Variants in RNLS observed in about 807,000 individuals in gnomAD.
The protein encoded by RNLS is renalase, FAD dependent amine oxidase.
RNLS carries 39 observed loss-of-function variants against 39.8 expected under a neutral mutation model. The observed-to-expected ratio is 0.98, with a 90% CI of 0.76 to 1.28. The LOEUF (loss-of-function observed/expected upper bound fraction) is 1.28. Ranked by LOEUF, RNLS falls within the 50% of genes most tolerant of loss-of-function variation. RNLS has a pLI of 0.00. For missense variants in RNLS, 410 were observed against 413.3 expected (o/e 0.99, Z 0.07); for synonymous variants, 147 against 150.7 (o/e 0.98, Z 0.18).
chr10:88,316,374 A>C (rs1845768091), intron 5 of RNLS, among the ~76,000 whole-genome samples: 1 of 152,210 alleles, frequency 6.6e-6, no homozygotes, highest in African/African-American at 2.4e-5. Context: ...AATCTATTGC[A>C]TATTGCCTTA....
intron 4 of RNLS, among the ~76,000 whole-genome samples, chr10:88,532,933 C>G (rs1847522992): frequency 6.6e-6 from 1 of 151,932 alleles, no homozygotes; most frequent in African/African-American, 2.4e-5. Context: ...AGAAGGTGCT[C>G]TAGGTAAAAC....
At chr10:88,233,355 C>T in the RNLS span, among the ~76,000 whole-genome samples, 9 of 152,158 alleles carry the variant, frequency 5.9e-5, no homozygotes, top group Non-Finnish European at 1.2e-4. Context: ...TGTTCATTCT[C>T]CCAATTGTTT....
intron 5 of RNLS, among the ~76,000 whole-genome samples, chr10:88,333,276 A>T (rs7895582): frequency 0.29 from 44,340 of 152,084 alleles, 8,354 homozygotes; most frequent in African/African-American, 0.53. Context: ...GTGTTTTAAA[A>T]CTACTTTTAT....
the RNLS span, among the ~76,000 whole-genome samples, chr10:88,199,416 G>T: frequency 6.6e-6 from 1 of 152,156 alleles, no homozygotes; most frequent in Admixed American, 6.6e-5. Flanking sequence ...AGCACTGTAG[G>T]ATGTTTAGCA....
At chr10:88,333,325 A>G (rs923094312) in intron 5 of RNLS, among the ~76,000 whole-genome samples, 1 of 152,200 alleles carries the variant, frequency 6.6e-6, no homozygotes, top group Admixed American at 6.5e-5. Context: ...TTCAAACATG[A>G]TGAAAGTGTA....
chr10:88,177,335 T>C, the RNLS span, among the ~76,000 whole-genome samples: 2 of 152,188 alleles, frequency 1.3e-5, no homozygotes, highest in South Asian at 4.1e-4. Flanking sequence ...CAAGTTCAGA[T>C]ATTCTTTCTT....
intron 5 of RNLS, among the ~76,000 whole-genome samples, chr10:88,355,498 G>GT (rs1472934138): frequency 2.0e-5 from 3 of 152,166 alleles, no homozygotes; most frequent in Non-Finnish European, 4.4e-5. Context: ...GTTTGCCTGG[G>GT]TATCAGCAGT....
chr10:88,420,044 AAATAAATAAATAAATG>A (rs1440578556), intron 4 of RNLS, among the ~76,000 whole-genome samples: 261 of 119,376 alleles, frequency 2.2e-3, no homozygotes, highest in African/African-American at 5.8e-3. Context: ...ATAAATAAAT[AAATAAATAAATAAATG>A]AATGAATAAA....
At chr10:88,349,652 T>C (rs761885294) in intron 5 of RNLS, among the ~76,000 whole-genome samples, 2 of 152,088 alleles carry the variant, frequency 1.3e-5, no homozygotes, top group Non-Finnish European at 2.9e-5. Context: ...CAATATTCTA[T>C]TTTATAATTT....
Position 88,285,399 on chromosome 10 carries a change from G to A in RNLS, c.984C>T (p.Ile328=), listed in dbSNP as rs977191957. The A allele has an allele frequency of 2.5e-6, 4 of 1,612,552 alleles. No homozygotes were observed. The highest frequency in any genetic ancestry group is 2.5e-6 in the Non-Finnish European group (3 of 1,179,048). The part of the protein sequence containing the change: ...GFTQSNFDGC[I]TSALCVLEAL... ...CTTCCAGAACACATAGGGCAGAAGT[G>A]ATGCAGCCATCAAAGTTGGACTGAG... Residue 328 remains isoleucine, a synonymous_variant, in exon 7 of 7, where the codon ATC becomes ATT. Transcript: ENST00000331772.
At chr10:88,172,884 T>G in the RNLS span, among the ~76,000 whole-genome samples, 3 of 124,758 alleles carry the variant, frequency 2.4e-5, no homozygotes, top group Admixed American at 9.1e-5. Flanking sequence ...TTAGATGGAG[T>G]CTCGCTCTGT....
At chr10:88,465,158 C>T (rs1217742669) in intron 4 of RNLS, among the ~76,000 whole-genome samples, 1 of 152,046 alleles carries the variant, frequency 6.6e-6, no homozygotes, top group Non-Finnish European at 1.5e-5. Flanking sequence ...CCTATTATTG[C>T]TACTAGTAGG....
At chr10:88,581,073 A>C (rs1207838396) in intron 3 of RNLS, among the ~76,000 whole-genome samples, 3 of 152,030 alleles carry the variant, frequency 2.0e-5, no homozygotes. Context: ...CATACAGCCT[A>C]AATATTTACC....
intron 6 of RNLS, among the ~76,000 whole-genome samples, chr10:88,286,534 T>C (rs1843286391): frequency 1.3e-5 from 2 of 152,144 alleles, no homozygotes; most frequent in Admixed American, 6.6e-5. Flanking sequence ...AACCAGAATA[T>C]GAAAACTTGT....
the RNLS span, among the ~76,000 whole-genome samples, chr10:88,265,308 C>T: frequency 3.3e-5 from 4 of 119,762 alleles, no homozygotes; most frequent in Admixed American, 3.3e-4. Flanking sequence ...CTTGCTTTGG[C>T]TATGCAGGGT....
intron 3 of RNLS, among the ~76,000 whole-genome samples, chr10:88,573,757 C>T (rs1849990164): frequency 6.6e-6 from 1 of 152,090 alleles, no homozygotes; most frequent in Non-Finnish European, 1.5e-5. Context: ...CTGTAAGGCC[C>T]ATGAGCTACA....
chr10:88,453,660 G>T (rs1160111920), intron 4 of RNLS, among the ~76,000 whole-genome samples: 1 of 152,184 alleles, frequency 6.6e-6, no homozygotes, highest in Non-Finnish European at 1.5e-5. Context: ...GGAGAAATTT[G>T]CTCCTTATTT....
chr10:88,173,415 C>T, the RNLS span, among the ~76,000 whole-genome samples: 6 of 152,192 alleles, frequency 3.9e-5, no homozygotes, highest in East Asian at 7.7e-4. Flanking sequence ...AGTCAGGTAA[C>T]GTGATGCCTC....
intron 4 of RNLS, among the ~76,000 whole-genome samples, chr10:88,409,442 G>A (rs1244551717): frequency 2.0e-5 from 3 of 152,060 alleles, no homozygotes. Flanking sequence ...ATTAATTTCA[G>A]TTTCAAATGA....
Sources: allele counts gnomAD v4.1 joint callset (sites outside exome capture counted in the v4.1 genomes callset), GRCh38; gene constraint gnomAD v4.1.1; transcripts MANE v1.5; gene names NCBI Gene and HGNC (gene_info 2026-07-23, HGNC 2026-07-21).